Variants in IL12RB2 observed in about 807,000 individuals in gnomAD.
IL12RB2 encodes interleukin-12 receptor subunit beta-2.
In IL12RB2, 82 loss-of-function variants were observed where a neutral mutation model predicts 89.4. The ratio of observed to expected loss-of-function variants is 0.92; its 90% CI spans 0.77 to 1.10. The LOEUF (loss-of-function observed/expected upper bound fraction) is 1.10. Ranked by LOEUF, IL12RB2 falls within the 50% of genes least tolerant of loss-of-function variation. The probability of loss-of-function intolerance (pLI) is 0.00; values close to 1 mark genes in which losing one functional copy is unlikely to be tolerated. For synonymous variants in IL12RB2, 368 were observed against 370.1 expected, an observed-to-expected ratio of 0.99 and a Z score of 0.07; for missense variants, 963 against 1,031.9, an observed-to-expected ratio of 0.93 and a Z score of 0.92.
chr1:67,337,376 G>T (rs1995147), intron 8 of IL12RB2, among the ~76,000 whole-genome samples: 1 of 151,984 alleles, frequency 6.6e-6, no homozygotes, highest in Admixed American at 6.6e-5. Context: ...TTCCACTCCT[G>T]GCTGTAAATC....
intron 9 of IL12RB2, among the ~76,000 whole-genome samples, chr1:67,349,621 C>T (rs1374751792): frequency 1.3e-5 from 2 of 152,136 alleles, no homozygotes; most frequent in East Asian, 1.9e-4. Context: ...ACATCCACCT[C>T]GTGCACTGAC....
intron 16 of IL12RB2, 34 bp downstream of exon 16, chr1:67,390,162 A>C (rs762136298): frequency 2.3e-6 from 2 of 888,072 alleles, no homozygotes; most frequent in Non-Finnish European, 3.9e-6. Context: ...CAGTCAGTGG[A>C]GTTCTAGTGA....
chr1:67,364,363 C>A lies in IL12RB2; in HGVS notation c.1259-3462C>A, dbSNP rs1027269463. On this transcript the variant is annotated intron_variant, in intron 10 of 16. Transcript: ENST00000674203. ...CCAAGATTGCACCACTGCACTCCAG[C>A]CTGTGAGACAGAGGGAGACTCTATC... Among the ~76,000 whole-genome samples, 4 of 152,000 alleles carry A rather than the reference C, an allele frequency of 2.6e-5. No individual in the cohort carries two copies. In the East Asian group the frequency reaches 7.7e-4, roughly 29 times the overall value.
chr1:67,354,396 G>A (rs1661161285), intron 10 of IL12RB2, among the ~76,000 whole-genome samples: 1 of 152,162 alleles, frequency 6.6e-6, no homozygotes, highest in South Asian at 2.1e-4. Context: ...CTGGGGAGAT[G>A]GGAGATGATG....
intron 14 of IL12RB2, 35 bp downstream of exon 14, chr1:67,380,158 T>G: frequency 5.0e-6 from 8 of 1,610,716 alleles, no homozygotes; most frequent in Non-Finnish European, 6.8e-6. Context: ...GAGTCCACCC[T>G]GGATTCTTGC....
intron 5 of IL12RB2, among the ~76,000 whole-genome samples, chr1:67,327,406 CAG>C (rs1449790466): frequency 6.6e-6 from 1 of 152,156 alleles, no homozygotes; most frequent in Non-Finnish European, 1.5e-5. Flanking sequence ...AGTTCTAACT[CAG>C]AGTTCTCTTC....
In IL12RB2 at chr1:67,379,969, C is replaced by T. The variant is rs760201281; in HGVS notation, c.1718-17C>T. 25 of 1,428,836 alleles carry T rather than the reference C, an allele frequency of 1.7e-5. No individual in the cohort carries two copies. The highest frequency in any genetic ancestry group is 2.3e-5 in the Non-Finnish European group (24 of 1,039,168). The allele number at this position is 1,428,836 out of a possible 1,614,324, so 88.5% of individuals were successfully genotyped here. A position where few individuals can be genotyped will look rare whatever the true frequency, so the allele number is the denominator to read the frequency against. On this transcript the variant is annotated splice_polypyrimidine_tract_variant and intron_variant, in intron 13 of 16. Transcript: ENST00000674203. The stretch of plus-strand genomic sequence containing the variant: ...TATCCTTTAATACATGCCTTTCTTC[C>T]TTTATCTTCCTTTCAGAAATTCCCT...
At chr1:67,318,578 GAGATGAGAAAA>G in intron 2 of IL12RB2, among the ~76,000 whole-genome samples, 1 of 152,124 alleles carries the variant, frequency 6.6e-6, no homozygotes, top group East Asian at 1.9e-4. Flanking sequence ...TTAGCTGTAG[GAGATGAGAAAA>G]AGGTTAGAAT....
At chr1:67,315,047 T>C (rs1471121246) in intron 2 of IL12RB2, among the ~76,000 whole-genome samples, 1 of 152,184 alleles carries the variant, frequency 6.6e-6, no homozygotes, top group African/African-American at 2.4e-5. Flanking sequence ...CTTGAAGGTC[T>C]TTGGGGATTC....
chr1:67,317,269 C>T (rs1655897297), intron 2 of IL12RB2, among the ~76,000 whole-genome samples: 1 of 152,132 alleles, frequency 6.6e-6, no homozygotes, highest in African/African-American at 2.4e-5. Flanking sequence ...TATTCCATGA[C>T]CTTGGACTTT....
chr1:67,353,543 T>G (rs1661068502), intron 10 of IL12RB2, among the ~76,000 whole-genome samples: 1 of 152,158 alleles, frequency 6.6e-6, no homozygotes, highest in Non-Finnish European at 1.5e-5. Context: ...CACTCCAGAC[T>G]GGGTGAAAAA....
At chr1:67,345,081 G>A (rs1237343349) in intron 9 of IL12RB2, among the ~76,000 whole-genome samples, 2 of 152,240 alleles carry the variant, frequency 1.3e-5, no homozygotes, top group Non-Finnish European at 2.9e-5. Flanking sequence ...TGAGGCAGGA[G>A]AATCACTTGA....
intron 9 of IL12RB2, 28 bp from the exon 10 acceptor site, chr1:67,350,842 A>C (rs1338026158): frequency 1.2e-6 from 2 of 1,613,022 alleles, no homozygotes; most frequent in South Asian, 2.2e-5. Context: ...TCTGGGAGTA[A>C]ATAGTGAATA....
chr1:67,360,155 A>G (rs1440023435), intron 10 of IL12RB2, among the ~76,000 whole-genome samples: 2 of 152,092 alleles, frequency 1.3e-5, no homozygotes, highest in Admixed American at 6.5e-5. Context: ...TAATCCCAAC[A>G]CTTTGGGAGG....
At chr1:67,390,522 A>G (rs1478271674) in intron 16 of IL12RB2, among the ~76,000 whole-genome samples, 1 of 147,804 alleles carries the variant, frequency 6.8e-6, no homozygotes, top group Non-Finnish European at 1.5e-5. Flanking sequence ...CCAAAATTCA[A>G]GAGAATTGAA....
chr1:67,333,389 CTTT>C (rs546599054), intron 8 of IL12RB2, among the ~76,000 whole-genome samples: 5 of 124,058 alleles, frequency 4.0e-5, no homozygotes, highest in African/African-American at 8.8e-5. Context: ...TAATAGTAAG[CTTT>C]TTTTTTTTTT....
intron 10 of IL12RB2, among the ~76,000 whole-genome samples, chr1:67,360,411 A>G (rs1296718465): frequency 1.3e-5 from 2 of 151,560 alleles, no homozygotes; most frequent in South Asian, 2.1e-4. Flanking sequence ...AGAAAAAAAA[A>G]AAAAGGAGAT....
intron 8 of IL12RB2, among the ~76,000 whole-genome samples, chr1:67,332,727 A>G (rs980363806): frequency 2.0e-5 from 3 of 152,202 alleles, no homozygotes; most frequent in African/African-American, 7.2e-5. Flanking sequence ...AAACTTCTGA[A>G]AATGGGCTAT....
intron 15 of IL12RB2, among the ~76,000 whole-genome samples, chr1:67,387,531 T>C (rs1251169213): frequency 6.6e-6 from 1 of 150,850 alleles, no homozygotes; most frequent in Non-Finnish European, 1.5e-5. Context: ...TGAAACCCCA[T>C]CTCTACTAAA....
Sources: allele counts gnomAD v4.1 joint callset (sites outside exome capture counted in the v4.1 genomes callset), GRCh38; gene constraint gnomAD v4.1.1; transcripts MANE v1.5; gene names NCBI Gene and HGNC (gene_info 2026-07-23, HGNC 2026-07-21).